The following C15orf40 variants were observed in gnomAD, a reference collection of about 807,000 sequenced individuals.
The protein encoded by C15orf40 is chromosome 15 open reading frame 40, also known as UPF0235 protein C15orf40.
Under a neutral mutation model 13.9 loss-of-function variants are expected in C15orf40, and 9 were observed. That is an observed-to-expected ratio of 0.65 (90% confidence interval 0.39 to 1.13). The LOEUF is 1.13. Among genes scored for constraint, C15orf40 ranks in the 50% most tolerant of loss-of-function variants. The probability of loss-of-function intolerance (pLI) is 0.01; values close to 1 mark genes in which losing one functional copy is unlikely to be tolerated. For synonymous variants in C15orf40, 95 were observed against 69.2 expected (o/e 1.37, Z -1.85); for missense variants, 225 against 188.5 (o/e 1.19, Z -1.13).
At chr15:83,010,401 T>C (rs2031933038) in intron 1 of C15orf40, 38 bp from the exon 2 acceptor site, 1 of 1,611,788 alleles carries the variant, frequency 6.2e-7, no homozygotes. Context: ...GGTTACAAAA[T>C]ATTTTCCCAC....
chr15:83,001,550 C>T lies in C15orf40; in HGVS notation c.*4047G>A, dbSNP rs1423105792. ...CTATAGACTGCCTAGCCAGTACTCA[C>T]TTGAAATTAATGGGAGTGAGCAAAG... is the stretch of plus-strand genomic sequence containing the variant. On this transcript the variant is annotated 3_prime_UTR_variant, in exon 4 of 4. Coordinates refer to ENST00000304177, the MANE Select transcript of C15orf40 (RefSeq NM_144597.3). The T allele has an allele frequency of 2.0e-5, 3 of 152,932 alleles. No homozygotes were observed. The Admixed American group carries it at 2.0e-4, about 10-fold the overall frequency. 9.5% of individuals were successfully genotyped at this position (152,932 alleles called of 1,614,324 possible).
Position 82,994,862 on chromosome 15 carries a change from CT to C in C15orf40, c.*10734del, listed in dbSNP as rs1210362814. The C allele has an allele frequency of 6.6e-6, 1 of 152,138 alleles. No individual in the cohort carries two copies. Among genetic ancestry groups the C allele is most frequent in the Non-Finnish European group, 1.5e-5 (1 of 68,026 alleles). The allele number at this position is 152,138 out of a possible 1,614,324, so 9.4% of individuals were successfully genotyped here. A position where few individuals can be genotyped will look rare whatever the true frequency, so the allele number is the denominator to read the frequency against. ...TTATTTATGAACACAGAAAGATATGCTTTTAAAACTCTCAAATTTTAAAATT... is the reference window on the plus strand; with the variant it reads ...TTATTTATGAACACAGAAAGATATGCTTTAAAACTCTCAAATTTTAAAATT... On this transcript the variant is annotated 3_prime_UTR_variant, in exon 4 of 4. Transcript: ENST00000304177.
downstream of C15orf40, chr15:82,989,143 A>T: frequency 6.2e-7 from 1 of 1,613,924 alleles, no homozygotes. Context: ...ATTGTTGAGG[A>T]ATGGAATAGC....
intron 3 of C15orf40, among the ~76,000 whole-genome samples, chr15:83,007,463 T>C (rs1288061163): frequency 1.3e-5 from 2 of 152,150 alleles, no homozygotes; most frequent in Non-Finnish European, 2.9e-5. Context: ...GCAGCAGGCA[T>C]GAAGGAGACT....
Position 83,004,373 on chromosome 15 carries a change from G to A in C15orf40, c.*1224C>T, listed in dbSNP as rs978973846. 1.8e-5 allele frequency: 18 copies of A among 985,010 alleles called. No homozygotes were observed. In the Admixed American group the frequency reaches 1.8e-4, roughly 10 times the overall value. The allele number at this position is 985,010 out of a possible 1,614,324, so 61.0% of individuals were successfully genotyped here. A position where few individuals can be genotyped will look rare whatever the true frequency, so the allele number is the denominator to read the frequency against. On this transcript the variant is annotated 3_prime_UTR_variant, in exon 4 of 4. Coordinates refer to ENST00000304177, the MANE Select transcript of C15orf40 (RefSeq NM_144597.3). Reference sequence around the variant, plus strand: ...TTCTCATGTACTTGCTGGACAAAGCGCACAACTGCAGATCAGCTCTCCTGA... The same window carrying A: ...TTCTCATGTACTTGCTGGACAAAGCACACAACTGCAGATCAGCTCTCCTGA...
chr15:83,004,980 T>C lies in C15orf40; in HGVS notation c.*617A>G, dbSNP rs1033216873. The C allele has an allele frequency of 1.9e-5, 24 of 1,277,992 alleles. 2 individuals carry two copies. The highest frequency in any genetic ancestry group is 4.3e-4 in the Middle Eastern group (2 of 4,654). 79.2% of individuals were successfully genotyped at this position (1,277,992 alleles called of 1,614,324 possible). A position where few individuals can be genotyped will look rare whatever the true frequency, so the allele number is the denominator to read the frequency against. On this transcript the variant is annotated 3_prime_UTR_variant, in exon 4 of 4. Coordinates refer to ENST00000304177, the MANE Select transcript of C15orf40 (RefSeq NM_144597.3). ...GAGTAAGTCTCTCAACTTCTGGATA[T>C]AGGAAATCAAAGGCCCCCCAACAGA... is the stretch of plus-strand genomic sequence containing the variant.
intron 2 of C15orf40, among the ~76,000 whole-genome samples, chr15:83,010,030 G>A (rs1020556561): frequency 6.6e-6 from 1 of 152,144 alleles, no homozygotes; most frequent in Non-Finnish European, 1.5e-5. Flanking sequence ...ATATACAATG[G>A]TTTTCGTGTA....
downstream of C15orf40, chr15:82,989,280 G>GT: frequency 7.5e-7 from 1 of 1,333,460 alleles, no homozygotes; most frequent in Non-Finnish European, 1.0e-6. Context: ...GCAGGGACCA[G>GT]TGTTTTTGGT....
At position 83,005,636 on chromosome 15, in the gene C15orf40, C is replaced by A; in HGVS notation, c.423G>T (p.Glu141Asp). ...VKLLASTTPE[E>D]ILEKLKKEAK... ...CTTCCTTTTTTAATTTCTCCAAGAT[C>A]TCTTCTGGAGTTGTAGAAGCCAAAA... The change falls in exon 4 of 4, where the codon GAG (glutamate) becomes GAT (aspartate). Residue 141 changes from glutamate (E) to aspartate (D), a missense_variant. By Grantham distance (45) the Glu-to-Asp change is conservative. Transcript: ENST00000304177. The A allele has an allele frequency of 6.2e-7, 1 of 1,612,198 alleles. No homozygotes were observed. The highest frequency in any genetic ancestry group is 8.5e-7 in the Non-Finnish European group (1 of 1,179,164).
rs757917041 is a variant in C15orf40 at position 83,010,195 on chromosome 15, A to G, written c.238+42T>C. On this transcript the variant is annotated intron_variant, in intron 2 of 3. Coordinates refer to ENST00000304177, the MANE Select transcript of C15orf40 (RefSeq NM_144597.3). ...AAAGCAAAGGAGGGCTGTAGGAGAC[A>G]CCTGATTCACACTTGAATCCCACCC... The G allele has an allele frequency of 1.9e-5, 31 of 1,612,524 alleles. No homozygotes were observed. The Admixed American group carries it at 5.2e-4, about 27-fold the overall frequency.
chr15:83,011,400 C>T (rs1395388872), intron 1 of C15orf40, 97 bp downstream of exon 1: 2 of 1,312,008 alleles, frequency 1.5e-6, no homozygotes, highest in Admixed American at 2.6e-5. Context: ...AAGCCGCTGG[C>T]AGTGCCTCCA....
At chr15:82,989,749 C>A, downstream of C15orf40, 1 of 1,159,006 alleles carries the variant, frequency 8.6e-7, no homozygotes, top group Non-Finnish European at 1.2e-6. Context: ...CTATAACATT[C>A]TATTGTGAAA....
Position 83,000,802 on chromosome 15 carries a change from T to C in C15orf40, c.*4795A>G, listed in dbSNP as rs932863113. 4 of 152,184 alleles carry C rather than the reference T, an allele frequency of 2.6e-5. No homozygotes were observed. The highest frequency in any genetic ancestry group is 9.7e-5 in the African/African-American group (4 of 41,426). The allele number at this position is 152,184 out of a possible 1,614,324, so 9.4% of individuals were successfully genotyped here. A position where few individuals can be genotyped will look rare whatever the true frequency, so the allele number is the denominator to read the frequency against. On this transcript the variant is annotated 3_prime_UTR_variant, in exon 4 of 4. Transcript: ENST00000304177. ...AGCCCAGAGAGCTGCCTCCTAAAGT[T>C]TGAGCATTTAGGTATTTGGAACTTT...
intron 3 of C15orf40, among the ~76,000 whole-genome samples, chr15:83,006,977 A>G (rs1457439759): frequency 6.6e-6 from 1 of 152,210 alleles, no homozygotes; most frequent in East Asian, 1.9e-4. Flanking sequence ...GCAGTCTGTT[A>G]ATCAATGACT....
chr15:82,991,851 C>T, downstream of C15orf40: 2 of 1,269,242 alleles, frequency 1.6e-6, no homozygotes, highest in South Asian at 1.2e-5. Context: ...TTTGATACTA[C>T]AGATATTTAG....
At chr15:83,011,050 C>G (rs567357198) in intron 1 of C15orf40, 2 of 158,980 alleles carry the variant, frequency 1.3e-5, no homozygotes, top group South Asian at 3.7e-4. Flanking sequence ...GTCTGAGAAA[C>G]GGACTGGGGT....
rs2031122457 is a variant in C15orf40, at chr15:82,997,041, A to AATAATT, written c.*8555_*8556insAATTAT. 1.5e-5 allele frequency: 2 copies of AATAATT among 132,670 alleles called. No individual in the cohort carries two copies. The highest frequency in any genetic ancestry group is 7.5e-5 in the Admixed American group (1 of 13,360). 8.2% of individuals were successfully genotyped at this position (132,670 alleles called of 1,614,324 possible). A position where few individuals can be genotyped will look rare whatever the true frequency, so the allele number is the denominator to read the frequency against. On this transcript the variant is annotated 3_prime_UTR_variant, in exon 4 of 4. Coordinates refer to ENST00000304177, the MANE Select transcript of C15orf40 (RefSeq NM_144597.3). ...CTCAAATAATAATAATAATAATAAT[A>AATAATT]ATTATTATTATTATTTTTAACTGAC... is the stretch of plus-strand genomic sequence containing the variant.
At chr15:83,006,167 G>A (rs1242590699) in intron 3 of C15orf40, among the ~76,000 whole-genome samples, 3 of 151,528 alleles carry the variant, frequency 2.0e-5, no homozygotes, top group African/African-American at 7.3e-5. Context: ...GGAGGCAGAG[G>A]CTGCAGTGAG....
In C15orf40 at chr15:83,010,567, C is replaced by A. The variant is rs937568819; in HGVS notation, c.112-204G>T. On this transcript the variant is annotated intron_variant, in intron 1 of 3. Coordinates refer to ENST00000304177, the MANE Select transcript of C15orf40 (RefSeq NM_144597.3). ...CCACGAAGGGTTCCCATCAACCCAA[C>A]AGTGTTTTTTCCCCCCTTGCAAGAA... 4 of 538,924 alleles carry A rather than the reference C, an allele frequency of 7.4e-6. No homozygotes were observed. In the African/African-American group the frequency reaches 7.6e-5, roughly 10 times the overall value. 33.4% of individuals were successfully genotyped at this position (538,924 alleles called of 1,614,324 possible). A position where few individuals can be genotyped will look rare whatever the true frequency, so the allele number is the denominator to read the frequency against.
Sources: allele counts gnomAD v4.1 joint callset (sites outside exome capture counted in the v4.1 genomes callset), GRCh38; gene constraint gnomAD v4.1.1; transcripts MANE v1.5; gene names NCBI Gene and HGNC (gene_info 2026-07-23, HGNC 2026-07-21).